Variants in ANXA8 observed in about 807,000 individuals in gnomAD.
ANXA8 encodes VAC-beta.
ANXA8 carries 9 observed loss-of-function variants against 26.8 expected under a neutral mutation model. The observed-to-expected ratio is 0.34, with a 90% confidence interval of 0.20 to 0.59. ANXA8 has a LOEUF of 0.59. Among genes scored for constraint, ANXA8 ranks in the 20% least tolerant of loss-of-function variants. The pLI is 0.84. For missense variants in ANXA8, 83 were observed against 238.5 expected (o/e 0.35, Z 4.29); for synonymous variants, 39 against 94.8 (o/e 0.41, Z 3.42).
chr10:47,562,099 T>C, the ANXA8 span, among the ~76,000 whole-genome samples: 6 of 151,936 alleles, frequency 3.9e-5, no homozygotes, highest in South Asian at 2.1e-4. Context: ...CACATACTCC[T>C]CTAAATATGA....
chr10:47,663,726 G>A, the ANXA8 span, among the ~76,000 whole-genome samples: 2 of 146,706 alleles, frequency 1.4e-5, no homozygotes, highest in Admixed American at 6.7e-5. Flanking sequence ...GGTTTCATTG[G>A]CAGTATTGAA....
At chr10:47,657,890 A>G in the ANXA8 span, among the ~76,000 whole-genome samples, 3 of 151,528 alleles carry the variant, frequency 2.0e-5, no homozygotes, top group Non-Finnish European at 4.4e-5. Context: ...TGGCTCACTT[A>G]TTATTAATGT....
the ANXA8 span, among the ~76,000 whole-genome samples, chr10:47,645,349 G>C: frequency 1.4e-5 from 2 of 147,992 alleles, no homozygotes; most frequent in African/African-American, 5.2e-5. Flanking sequence ...AGCTTAGGTA[G>C]TAACGTATTT....
chr10:47,665,193 G>A, the ANXA8 span, among the ~76,000 whole-genome samples: 6 of 148,380 alleles, frequency 4.0e-5, no homozygotes, highest in East Asian at 9.6e-4. Flanking sequence ...CAGGTAAAAT[G>A]TTGATGGCTG....
At chr10:47,664,258 A>T in the ANXA8 span, among the ~76,000 whole-genome samples, 1 of 152,016 alleles carries the variant, frequency 6.6e-6, no homozygotes, top group Non-Finnish European at 1.5e-5. Flanking sequence ...GGTGCCTGTC[A>T]TCCCAGCTAC....
chr10:47,500,455 G>C, the ANXA8 span, among the ~76,000 whole-genome samples: 1 of 151,032 alleles, frequency 6.6e-6, no homozygotes, highest in South Asian at 2.1e-4. Flanking sequence ...GCCTTCATAA[G>C]GCACCTCAGT....
At chr10:47,489,813 A>AC in the ANXA8 span, among the ~76,000 whole-genome samples, 1 of 127,074 alleles carries the variant, frequency 7.9e-6, no homozygotes, top group South Asian at 3.1e-4. Context: ...GGGCTGGCTT[A>AC]TCCTCACAAC....
the ANXA8 span, among the ~76,000 whole-genome samples, chr10:47,915,051 G>T: frequency 6.6e-6 from 1 of 152,258 alleles, no homozygotes; most frequent in East Asian, 1.9e-4. Context: ...CTCTGCTATA[G>T]CCTTCCATGA....
chr10:47,636,652 T>C, the ANXA8 span, among the ~76,000 whole-genome samples: 1 of 150,542 alleles, frequency 6.6e-6, no homozygotes, highest in Non-Finnish European at 1.5e-5. Context: ...TCTTTTTTAA[T>C]GGTGGTAGTA....
the ANXA8 span, among the ~76,000 whole-genome samples, chr10:47,546,402 T>C: frequency 9.5e-6 from 1 of 105,494 alleles, no homozygotes; most frequent in African/African-American, 4.1e-5. Context: ...ACCAATTTTT[T>C]TTTTTTTTTT....
the ANXA8 span, among the ~76,000 whole-genome samples, chr10:47,575,215 A>AGAAAG: frequency 9.0e-6 from 1 of 110,672 alleles, no homozygotes; most frequent in Non-Finnish European, 1.8e-5. Flanking sequence ...AAAAAAAAAA[A>AGAAAG]AAAGAAAGAA....
At position 47,484,026 on chromosome 10, in the gene ANXA8, G is replaced by A. The variant is rs1839956386; in HGVS notation, c.-93C>T. 1.7e-5 allele frequency: 28 copies of A among 1,611,402 alleles called. No homozygotes were observed. The highest frequency in any genetic ancestry group is 2.1e-5 in the Non-Finnish European group (25 of 1,179,746). On this transcript the variant is annotated 5_prime_UTR_variant, in exon 1 of 12. Coordinates refer to ENST00000585281, the MANE Select transcript of ANXA8 (RefSeq NM_001040084.3). ...CACACGTCTGGCTCCTGCAGCTGAG[G>A]AGTGAGCAGGCCGCTCACTTGGGTG...
chr10:47,732,688 TC>T, the ANXA8 span, among the ~76,000 whole-genome samples: 2 of 142,218 alleles, frequency 1.4e-5, no homozygotes, highest in African/African-American at 2.6e-5. Flanking sequence ...TTCACCTTTC[TC>T]CCCACTAGTA....
At chr10:47,551,145 T>C in the ANXA8 span, among the ~76,000 whole-genome samples, 1 of 151,920 alleles carries the variant, frequency 6.6e-6, no homozygotes, top group African/African-American at 2.4e-5. Context: ...TTATAGTTTT[T>C]TAAAAACCAA....
the ANXA8 span, among the ~76,000 whole-genome samples, chr10:47,951,683 C>T: frequency 9.7e-4 from 146 of 150,010 alleles, 3 homozygotes; most frequent in African/African-American, 3.3e-3. Context: ...TGGTGGTGTA[C>T]GCATGTAATC....
chr10:47,671,272 A>G, the ANXA8 span, among the ~76,000 whole-genome samples: 2 of 151,678 alleles, frequency 1.3e-5, no homozygotes, highest in Non-Finnish European at 2.9e-5. Flanking sequence ...AAAATGAAAA[A>G]TTAACCGGGC....
the ANXA8 span, among the ~76,000 whole-genome samples, chr10:47,943,943 C>T: frequency 3.5e-4 from 52 of 147,854 alleles, 5 homozygotes; most frequent in South Asian, 4.2e-4. Context: ...GAGGCCTCCC[C>T]GTGGAGCAGT....
chr10:47,565,232 G>A, the ANXA8 span: 4 of 596,288 alleles, frequency 6.7e-6, no homozygotes, highest in Non-Finnish European at 1.2e-5. Context: ...CAGCCCTGCG[G>A]CCGGGGCCCC....
chr10:47,644,344 TA>T, the ANXA8 span, among the ~76,000 whole-genome samples: 3 of 151,006 alleles, frequency 2.0e-5, no homozygotes, highest in African/African-American at 7.4e-5. Flanking sequence ...ACCTTTACTG[TA>T]AAGGGAAAGA....
Sources: allele counts gnomAD v4.1 joint callset (sites outside exome capture counted in the v4.1 genomes callset), GRCh38; gene constraint gnomAD v4.1.1; transcripts MANE v1.5; gene names NCBI Gene and HGNC (gene_info 2026-07-23, HGNC 2026-07-21).